Variants in DENND1A observed in about 807,000 individuals in gnomAD.
The protein encoded by DENND1A is DENN domain containing 1A.
In DENND1A, 51 loss-of-function variants were observed where a neutral mutation model predicts 113.7. The ratio of observed to expected loss-of-function variants is 0.45; its 90% confidence interval spans 0.36 to 0.57. DENND1A has a LOEUF of 0.57. DENND1A is among the 20% of genes least tolerant of loss of function. The pLI, the probability that DENND1A is intolerant of heterozygous loss-of-function variation, is 0.00. For synonymous variants in DENND1A, 565 were observed against 570.8 expected (o/e 0.99, Z 0.14); for missense variants, 1,258 against 1,395.9 (o/e 0.90, Z 1.57).
chr9:123,414,401 A>G, intron 19 of DENND1A: 1 of 1,434,098 alleles, frequency 7.0e-7, no homozygotes, highest in Non-Finnish European at 9.1e-7. Context: ...ACTTAAAAAA[A>G]TGTCCACCCA....
chr9:123,800,740 G>C (rs1191032731), intron 2 of DENND1A, among the ~76,000 whole-genome samples: 1 of 152,078 alleles, frequency 6.6e-6, no homozygotes, highest in Non-Finnish European at 1.5e-5. Flanking sequence ...TGACTCCAAA[G>C]TAACTGGCAC....
chr9:123,617,576 A>G (rs1171058843), intron 10 of DENND1A, among the ~76,000 whole-genome samples: 1 of 152,232 alleles, frequency 6.6e-6, no homozygotes, highest in African/African-American at 2.4e-5. Flanking sequence ...CACCTGGACA[A>G]AATTCTGGAG....
At chr9:123,434,797 G>A (rs2046393861) in intron 19 of DENND1A, among the ~76,000 whole-genome samples, 1 of 152,152 alleles carries the variant, frequency 6.6e-6, no homozygotes, top group African/African-American at 2.4e-5. Context: ...CGGGGGTGAG[G>A]CGGCCACTAG....
intron 2 of DENND1A, among the ~76,000 whole-genome samples, chr9:123,856,451 G>A (rs1844213503): frequency 6.6e-6 from 1 of 152,106 alleles, no homozygotes; most frequent in Non-Finnish European, 1.5e-5. Flanking sequence ...TCATCCACAG[G>A]GAACAGCTGC....
intron 13 of DENND1A, among the ~76,000 whole-genome samples, chr9:123,507,662 A>C (rs943441739): frequency 6.6e-6 from 1 of 151,640 alleles, no homozygotes; most frequent in Non-Finnish European, 1.5e-5. Flanking sequence ...CAGTCTGGGC[A>C]ACATAGCGGG....
intron 1 of DENND1A, among the ~76,000 whole-genome samples, chr9:123,919,950 T>TAG (rs1328286411): frequency 6.7e-6 from 1 of 149,740 alleles, no homozygotes; most frequent in African/African-American, 2.5e-5. Flanking sequence ...AATCCAGGAC[T>TAG]AGAGAGCAGG....
intron 8 of DENND1A, among the ~76,000 whole-genome samples, chr9:123,658,452 A>G (rs1303668962): frequency 2.0e-5 from 3 of 152,182 alleles, no homozygotes; most frequent in Non-Finnish European, 4.4e-5. Context: ...TCACTCCTAC[A>G]TGTGTTATCT....
At chr9:123,495,824 T>C (rs985380721) in intron 13 of DENND1A, among the ~76,000 whole-genome samples, 6 of 152,252 alleles carry the variant, frequency 3.9e-5, no homozygotes, top group Admixed American at 1.3e-4. Flanking sequence ...CCTATTGTTA[T>C]AATGGCCCCA....
intron 1 of DENND1A, among the ~76,000 whole-genome samples, chr9:123,927,927 G>A (rs1857375608): frequency 6.6e-6 from 1 of 152,170 alleles, no homozygotes; most frequent in African/African-American, 2.4e-5. Context: ...CTAGCTACAG[G>A]CAGAAGTTGC....
intron 19 of DENND1A, among the ~76,000 whole-genome samples, chr9:123,429,798 T>C (rs554206893): frequency 6.6e-6 from 1 of 152,308 alleles, no homozygotes; most frequent in East Asian, 1.9e-4. Flanking sequence ...AAAAATTTCA[T>C]GACGAAAATG....
rs190018144 is a variant in DENND1A, at chr9:123,458,799, T to C, written c.994-902A>G. Among the ~76,000 whole-genome samples the C allele has an allele frequency of 3.4e-3, 521 of 152,166 alleles. 2 individuals carry two copies. Among genetic ancestry groups the C allele is most frequent in the Middle Eastern group, 0.017 (5 of 294 alleles). ...CAACCTGCAGAAACCCCGTCTCTAC[T>C]GAAAATACAAAATTAGCCGGGTGTG... On this transcript the variant is annotated intron_variant, in intron 13 of 23. Coordinates refer to ENST00000394215, the MANE Select transcript of DENND1A (RefSeq NM_001352964.2).
chr9:123,545,852 T>C (rs1343214380), intron 13 of DENND1A, among the ~76,000 whole-genome samples: 1 of 152,144 alleles, frequency 6.6e-6, no homozygotes, highest in Non-Finnish European at 1.5e-5. Flanking sequence ...AATTGTCAAA[T>C]GTTATCATTG....
At chr9:123,773,800 T>C (rs946714713) in intron 3 of DENND1A, among the ~76,000 whole-genome samples, 2 of 152,162 alleles carry the variant, frequency 1.3e-5, no homozygotes, top group East Asian at 1.9e-4. Context: ...GTGATTATAG[T>C]GTCCACTGGA....
intron 15 of DENND1A, among the ~76,000 whole-genome samples, chr9:123,455,846 C>T (rs897363862): frequency 1.1e-4 from 17 of 152,302 alleles, no homozygotes; most frequent in East Asian, 3.9e-4. Context: ...CAACTCCAGC[C>T]CAGCCTCCTT....
chr9:123,438,779 C>G (rs2046709104), intron 19 of DENND1A, among the ~76,000 whole-genome samples: 1 of 152,212 alleles, frequency 6.6e-6, no homozygotes. Flanking sequence ...CCCGTGCACA[C>G]ACACATACTC....
intron 11 of DENND1A, among the ~76,000 whole-genome samples, chr9:123,605,174 T>G (rs141002211): frequency 6.6e-6 from 1 of 152,180 alleles, no homozygotes; most frequent in Admixed American, 6.5e-5. Context: ...TGTCTGGAAC[T>G]GTCATTGCTG....
intron 5 of DENND1A, among the ~76,000 whole-genome samples, chr9:123,744,355 A>G (rs1226868000): frequency 6.6e-6 from 1 of 152,194 alleles, no homozygotes; most frequent in African/African-American, 2.4e-5. Flanking sequence ...TAATGGCTAC[A>G]TGGTATCTAA....
At chr9:123,456,301 G>A (rs941155303) in intron 15 of DENND1A, among the ~76,000 whole-genome samples, 3 of 152,212 alleles carry the variant, frequency 2.0e-5, no homozygotes, top group African/African-American at 7.2e-5. Context: ...AAGGGGGCCA[G>A]CAGCATGGGT....
At chr9:123,451,267 G>A (rs2047701028) in intron 17 of DENND1A, among the ~76,000 whole-genome samples, 1 of 152,144 alleles carries the variant, frequency 6.6e-6, no homozygotes, top group African/African-American at 2.4e-5. Flanking sequence ...GTGTGGTTCT[G>A]CTGGCAGCCA....
Sources: gnomAD v4.1 joint callset for allele counts (sites outside exome capture counted in the v4.1 genomes callset) on GRCh38, gnomAD v4.1.1 for gene constraint, MANE v1.5 for transcripts, NCBI Gene and HGNC (gene_info 2026-07-23, HGNC 2026-07-21) for gene names.